The following EIF3H variants were observed in gnomAD, a reference collection of about 807,000 sequenced individuals.
EIF3H encodes eIF-3-gamma.
EIF3H carries 26 observed loss-of-function variants against 44.2 expected under a neutral mutation model. That is an observed-to-expected ratio of 0.59 (90% confidence interval 0.43 to 0.82). EIF3H has a LOEUF of 0.82. EIF3H is among the 40% of genes least tolerant of loss of function. The pLI is 0.00. For missense variants in EIF3H, 359 were observed against 432.8 expected, an observed-to-expected ratio of 0.83 and a Z score of 1.51; for synonymous variants, 166 against 151.9, an observed-to-expected ratio of 1.09 and a Z score of -0.68.
chr8:116,738,167 G>T lies in EIF3H; in HGVS notation c.133-11995C>A, dbSNP rs548659464. 1.2e-4 allele frequency among the ~76,000 whole-genome samples: 18 copies of T among 151,586 alleles called. 1 individual carries two copies. The highest frequency in any genetic ancestry group is 4.1e-4 in the African/African-American group (17 of 41,152). On this transcript the variant is annotated intron_variant, in intron 1 of 7. Transcript: ENST00000521861. The stretch of plus-strand genomic sequence containing the variant: ...AGCATCAAAAAAAACTAAGGAAAAA[G>T]ATTTTTAAAATACAGCAGTAACTGA...
upstream of EIF3H, among the ~76,000 whole-genome samples, chr8:116,757,018 A>C (rs537956738): frequency 6.6e-6 from 1 of 152,372 alleles, no homozygotes; most frequent in East Asian, 1.9e-4. Flanking sequence ...TATAAACAAT[A>C]ATACATTTAT....
intron 2 of EIF3H, among the ~76,000 whole-genome samples, chr8:116,724,968 A>T (rs1295923830): frequency 1.3e-5 from 2 of 152,220 alleles, no homozygotes; most frequent in Non-Finnish European, 1.5e-5. Context: ...TTTTGAAGAG[A>T]TATTTGCACA....
At chr8:116,735,384 C>T (rs200661594) in intron 1 of EIF3H, among the ~76,000 whole-genome samples, 29 of 152,266 alleles carry the variant, frequency 1.9e-4, no homozygotes, top group Admixed American at 9.8e-4. Flanking sequence ...TAAACATAAA[C>T]GCACCAAATG....
At chr8:116,678,726 C>A (rs1472260934) in intron 2 of EIF3H, among the ~76,000 whole-genome samples, 2 of 147,508 alleles carry the variant, frequency 1.4e-5, no homozygotes, top group East Asian at 2.0e-4. Flanking sequence ...TCGGCCGCCC[C>A]GTCTGAGAAG....
At chr8:116,677,532 A>G (rs565411081) in intron 2 of EIF3H, among the ~76,000 whole-genome samples, 2 of 152,378 alleles carry the variant, frequency 1.3e-5, no homozygotes, top group South Asian at 2.1e-4. Context: ...GGTCACAGTT[A>G]AATGCCATTC....
intron 2 of EIF3H, among the ~76,000 whole-genome samples, chr8:116,663,310 A>T (rs1813611465): frequency 6.6e-6 from 1 of 152,226 alleles, no homozygotes. Context: ...GTTAATGCAG[A>T]TCAATGAAGA....
chr8:116,646,679 A>G (rs567897478), intron 6 of EIF3H, 76 bp from the exon 7 acceptor site: 2 of 1,559,926 alleles, frequency 1.3e-6, no homozygotes, highest in South Asian at 2.3e-5. Flanking sequence ...TCCCCTACAC[A>G]ACCAGCAGAA....
At chr8:116,678,917 C>T (rs1201594847) in intron 2 of EIF3H, among the ~76,000 whole-genome samples, 1 of 78,446 alleles carries the variant, frequency 1.3e-5, no homozygotes, top group Non-Finnish European at 3.9e-5. Flanking sequence ...GTGAGGGGCT[C>T]CTCTGCCCGG....
intron 2 of EIF3H, among the ~76,000 whole-genome samples, chr8:116,675,515 C>A (rs1165798437): frequency 6.6e-6 from 1 of 152,196 alleles, no homozygotes; most frequent in Non-Finnish European, 1.5e-5. Context: ...GTTGTGGCAA[C>A]CAAAAGTGTC....
chr8:116,749,369 T>C (rs1014348744), intron 1 of EIF3H, among the ~76,000 whole-genome samples: 1 of 152,150 alleles, frequency 6.6e-6, no homozygotes, highest in South Asian at 2.1e-4. Flanking sequence ...AATCACCTGA[T>C]TGTGTAGGTC....
chr8:116,728,131 C>T lies in EIF3H; in HGVS notation c.133-1959G>A, dbSNP rs144958046. ...GTCTGTGTACTGATCATCAACACGA[C>T]CAATAAACCAATTATGAAAGAAAAA... On this transcript the variant is annotated intron_variant, in intron 1 of 7. Coordinates refer to ENST00000521861, the MANE Select transcript of EIF3H (RefSeq NM_003756.3). 2.0e-5 allele frequency among the ~76,000 whole-genome samples: 3 copies of T among 152,174 alleles called. No homozygotes were observed. In the East Asian group the frequency reaches 5.8e-4, roughly 29 times the overall value.
At chr8:116,689,986 A>T (rs1322538813) in intron 2 of EIF3H, among the ~76,000 whole-genome samples, 1 of 152,176 alleles carries the variant, frequency 6.6e-6, no homozygotes, top group Non-Finnish European at 1.5e-5. Context: ...ATAATAACAT[A>T]TTCGTATCTA....
chr8:116,733,491 T>C (rs745690212), intron 1 of EIF3H, among the ~76,000 whole-genome samples: 1 of 152,076 alleles, frequency 6.6e-6, no homozygotes, highest in Non-Finnish European at 1.5e-5. Context: ...AGAAAAAGCA[T>C]TATGAATAAA....
chr8:116,700,409 C>A (rs546905498), intron 2 of EIF3H, among the ~76,000 whole-genome samples: 1 of 152,088 alleles, frequency 6.6e-6, no homozygotes, highest in East Asian at 1.9e-4. Context: ...TTTTTCTTTT[C>A]TTTTCTTTTT....
chr8:116,726,355 T>C (rs912423102), intron 1 of EIF3H, among the ~76,000 whole-genome samples, 183 bp from the exon 2 acceptor site: 4 of 152,140 alleles, frequency 2.6e-5, no homozygotes, highest in African/African-American at 9.7e-5. Flanking sequence ...GCTCACATAA[T>C]CTAAACGCAG....
At chr8:116,661,919 CCAA>C (rs1813592417) in intron 2 of EIF3H, among the ~76,000 whole-genome samples, 2 of 152,150 alleles carry the variant, frequency 1.3e-5, no homozygotes, top group South Asian at 4.1e-4. Flanking sequence ...TACCACTCCT[CCAA>C]CATATTTCTG....
In EIF3H at chr8:116,726,138, T is replaced by C. The variant is rs1272640685; in HGVS notation, c.167A>G (p.Glu56Gly). ...TTGAACAACTTCAGTTCCTTGTCCT[T>C]CTTCTTGATAATGTTTGATTATCTT... ...VLKIIKHYQEEGQGTEVVQGV... is the reference protein window; with the variant it reads ...VLKIIKHYQEGGQGTEVVQGV... Residue 56 changes from glutamate (E) to glycine (G), a missense_variant, in exon 2 of 8, where the codon GAA becomes GGA. Transcript: ENST00000521861. 6.2e-7 allele frequency: 1 copy of C among 1,614,034 alleles called. No individual in the cohort carries two copies. Among genetic ancestry groups the C allele is most frequent in the Admixed American group, 1.7e-5 (1 of 60,018 alleles).
chr8:116,650,168 C>A (rs1813364683), intron 5 of EIF3H, among the ~76,000 whole-genome samples: 1 of 152,102 alleles, frequency 6.6e-6, no homozygotes, highest in Non-Finnish European at 1.5e-5. Flanking sequence ...TTAAAATGAT[C>A]ATTCTGCTGC....
intron 2 of EIF3H, among the ~76,000 whole-genome samples, chr8:116,667,100 G>A (rs917210240): frequency 3.9e-5 from 6 of 152,112 alleles, no homozygotes; most frequent in Admixed American, 2.6e-4. Flanking sequence ...AGAAACTGAA[G>A]GAGAGGCAGA....
Sources: allele counts gnomAD v4.1 joint callset (sites outside exome capture counted in the v4.1 genomes callset), GRCh38; gene constraint gnomAD v4.1.1; transcripts MANE v1.5; gene names NCBI Gene and HGNC (gene_info 2026-07-23, HGNC 2026-07-21).